The following ARHGEF6 variants were observed in gnomAD, a reference collection of about 807,000 sequenced individuals.
The protein encoded by ARHGEF6 is Rac/Cdc42 guanine nucleotide exchange factor 6.
Under a neutral mutation model 70.3 loss-of-function variants are expected in ARHGEF6, and 9 were observed. That is an observed-to-expected ratio of 0.13 (90% confidence interval 0.08 to 0.22). The LOEUF (loss-of-function observed/expected upper bound fraction) is 0.22. Ranked by LOEUF, ARHGEF6 falls within the 10% of genes least tolerant of loss-of-function variation. The pLI is 1.00. For synonymous variants in ARHGEF6, 201 were observed against 207.8 expected, an observed-to-expected ratio of 0.97 and a Z score of 0.28; for missense variants, 470 against 563.0, an observed-to-expected ratio of 0.83 and a Z score of 1.67.
chrX:136,770,888 T>C (rs2077358978), intron 2 of ARHGEF6, among the ~76,000 whole-genome samples: 1 of 111,901 alleles, frequency 8.9e-6, no homozygotes, highest in Admixed American at 9.4e-5. Flanking sequence ...TCACAGCTAC[T>C]CAGGTGGCTG....
At chrX:136,774,620 C>A in intron 2 of ARHGEF6, among the ~76,000 whole-genome samples, 1 of 92,322 alleles carries the variant, frequency 1.1e-5, no homozygotes. Flanking sequence ...CACTGCACTC[C>A]AGACTGGGTG....
At chrX:136,740,922 G>A (rs1055798010) in intron 5 of ARHGEF6, among the ~76,000 whole-genome samples, 1 of 111,642 alleles carries the variant, frequency 9.0e-6, no homozygotes, top group African/African-American at 3.3e-5. Flanking sequence ...TGTAGTGAGA[G>A]GTAAAAATCG....
At chrX:136,733,114 ATTCT>A (rs1342251617) in intron 5 of ARHGEF6, among the ~76,000 whole-genome samples, 1 of 109,368 alleles carries the variant, frequency 9.1e-6, no homozygotes, top group South Asian at 3.9e-4. Context: ...ATCCTAGGAC[ATTCT>A]TTCTTTTTTT....
At chrX:136,766,933 C>A (rs1007300024) in intron 2 of ARHGEF6, among the ~76,000 whole-genome samples, 1 of 112,433 alleles carries the variant, frequency 8.9e-6, no homozygotes, top group Non-Finnish European at 1.9e-5. Context: ...CGTCCTCGCT[C>A]TGCGTCCTTG....
At chrX:136,699,425 T>C (rs1025492511) in intron 9 of ARHGEF6, among the ~76,000 whole-genome samples, 1 of 111,087 alleles carries the variant, frequency 9.0e-6, no homozygotes, top group African/African-American at 3.3e-5. Flanking sequence ...AAATAAAATA[T>C]AGTGAAAAAA....
chrX:136,722,679 A>G (rs943669121), intron 6 of ARHGEF6, among the ~76,000 whole-genome samples: 45 of 112,460 alleles, frequency 4.0e-4, no homozygotes, highest in Admixed American at 2.7e-3. Context: ...GTGAGGATGT[A>G]GAGAAACTGA....
At position 136,679,639 on chromosome X, in the gene ARHGEF6, G is replaced by T. The variant is rs764498295; in HGVS notation, c.1726C>A (p.Pro576Thr). 8.3e-7 allele frequency: 1 copy of T among 1,211,527 alleles called. No individual in the cohort carries two copies. The part of the protein sequence containing the change: ...AHSSFSSTGQ[P>T]RGPLEPPQII... Reference sequence around the variant, plus strand: ...TGAGGAGGCTCCAAGGGTCCTCGGGGCTGTCCGGTAGAGCTAAAAGACTGG... The same window carrying T: ...TGAGGAGGCTCCAAGGGTCCTCGGGTCTGTCCGGTAGAGCTAAAAGACTGG... Residue 576 changes from proline (P) to threonine (T), a missense_variant, in exon 16 of 22, where the codon CCC (proline) becomes ACC (threonine). Physicochemically the swap from Pro to Thr is conservative, Grantham distance 38. Around this residue, in one of 3 missense-constraint regions of ARHGEF6, gnomAD observed 379 missense variants for 449.3 expected, o/e 0.84. Transcript: ENST00000250617.
At chrX:136,707,362 G>A (rs945314776) in intron 8 of ARHGEF6, among the ~76,000 whole-genome samples, 7 of 112,114 alleles carry the variant, frequency 6.2e-5, no homozygotes, top group Admixed American at 9.5e-5. Context: ...TTTGAGTACA[G>A]ACAAAACTAA....
At chrX:136,706,876 T>A (rs552372308) in intron 9 of ARHGEF6, 32 bp downstream of exon 9, 3 of 1,210,454 alleles carry the variant, frequency 2.5e-6, no homozygotes, top group Non-Finnish European at 3.4e-6. Flanking sequence ...AAGGATCTCA[T>A]TGCAAAAGTT....
chrX:136,754,601 G>A (rs1396457848), intron 2 of ARHGEF6, among the ~76,000 whole-genome samples: 8 of 99,171 alleles, frequency 8.1e-5, no homozygotes, highest in Admixed American at 3.3e-4. Flanking sequence ...AAAAAACAAC[G>A]AAAGAAAAGA....
At chrX:136,767,039 G>A in intron 2 of ARHGEF6, 1 of 702,360 alleles carries the variant, frequency 1.4e-6, no homozygotes, top group Non-Finnish European at 1.7e-6. Flanking sequence ...AGCCACGGCA[G>A]TGGGGAAGAA....
chrX:136,702,003 G>A (rs970684089), intron 9 of ARHGEF6, among the ~76,000 whole-genome samples: 16 of 111,285 alleles, frequency 1.4e-4, no homozygotes, highest in African/African-American at 3.3e-4. Flanking sequence ...CACCGCACCC[G>A]GCCTCATTTT....
At chrX:136,701,605 A>C (rs182947412) in intron 9 of ARHGEF6, among the ~76,000 whole-genome samples, 1 of 111,691 alleles carries the variant, frequency 9.0e-6, no homozygotes, top group Non-Finnish European at 1.9e-5. Context: ...AGAGAGAAGG[A>C]AAGTGATATA....
intron 8 of ARHGEF6, 35 bp from the exon 9 acceptor site, chrX:136,707,065 A>C (rs2076634114): frequency 8.3e-7 from 1 of 1,203,446 alleles, no homozygotes; most frequent in Non-Finnish European, 1.1e-6. Context: ...AGAATGTAAA[A>C]TAGGAAACAG....
chrX:136,683,006 TA>T (rs954875473), intron 12 of ARHGEF6, among the ~76,000 whole-genome samples, 162 bp from the exon 13 acceptor site: 3 of 111,440 alleles, frequency 2.7e-5, no homozygotes, highest in Non-Finnish European at 3.8e-5. Context: ...AACACAAAAC[TA>T]GTTGAATTTT....
intron 6 of ARHGEF6, among the ~76,000 whole-genome samples, chrX:136,726,599 C>T (rs1685842332): frequency 9.0e-6 from 1 of 111,672 alleles, no homozygotes; most frequent in Non-Finnish European, 1.9e-5. Context: ...AAAGGTTACC[C>T]GAGGCTTCCT....
chrX:136,670,946 T>C (rs1317175160), intron 20 of ARHGEF6, among the ~76,000 whole-genome samples: 1 of 112,089 alleles, frequency 8.9e-6, no homozygotes, highest in East Asian at 2.8e-4. Flanking sequence ...CACTTACTAG[T>C]CCTCTGTTCT....
intron 7 of ARHGEF6, among the ~76,000 whole-genome samples, chrX:136,710,330 C>CATAT (rs59532724): frequency 0.027 from 2,324 of 87,482 alleles, 31 homozygotes; most frequent in African/African-American, 0.033. Context: ...ATATATTATA[C>CATAT]ATATATATAT....
At chrX:136,671,356 C>T (rs906478303) in intron 20 of ARHGEF6, among the ~76,000 whole-genome samples, 1 of 112,226 alleles carries the variant, frequency 8.9e-6, no homozygotes, top group Admixed American at 9.4e-5. Flanking sequence ...TTGAAATATG[C>T]TGTCCTATGC....
Sources: gnomAD v4.1 joint callset for allele counts (sites outside exome capture counted in the v4.1 genomes callset) on GRCh38, gnomAD v4.1.1 for gene constraint, gnomAD v4.1.1 regional missense constraint, MANE v1.5 for transcripts, NCBI Gene and HGNC (gene_info 2026-07-23, HGNC 2026-07-21) for gene names.